CA10: variants seen among roughly 807,000 people sequenced by gnomAD.
CA10 encodes carbonic anhydrase 10 (inactive), also known as carbonic anhydrase-related protein 10.
In CA10, 14 loss-of-function variants were observed where a neutral mutation model predicts 44.2. The observed-to-expected ratio is 0.32, with a 90% CI of 0.21 to 0.50. The LOEUF (loss-of-function observed/expected upper bound fraction) is 0.50. Among genes scored for constraint, CA10 ranks in the 20% least tolerant of loss-of-function variants. The pLI is 0.99. For missense variants in CA10, 350 were observed against 409.7 expected (o/e 0.85, Z 1.26); for synonymous variants, 159 against 141.6 (o/e 1.12, Z -0.87).
intron 1 of CA10, among the ~76,000 whole-genome samples, chr17:52,132,625 A>G (rs1010539636): frequency 1.3e-5 from 2 of 152,244 alleles, no homozygotes; most frequent in African/African-American, 4.8e-5. Flanking sequence ...GTGAACATGC[A>G]GAATTCAGCA....
chr17:51,773,861 C>A (rs1905705305), intron 3 of CA10, among the ~76,000 whole-genome samples: 1 of 152,140 alleles, frequency 6.6e-6, no homozygotes, highest in Admixed American at 6.5e-5. Context: ...CAACACAAAG[C>A]AAATCAAGTT....
At chr17:51,867,525 A>G (rs1979604081) in intron 3 of CA10, among the ~76,000 whole-genome samples, 1 of 152,220 alleles carries the variant, frequency 6.6e-6, no homozygotes, top group African/African-American at 2.4e-5. Flanking sequence ...CACAGTGTTT[A>G]TTCTCTAGGT....
chr17:52,008,746 C>G (rs9910938), intron 2 of CA10, among the ~76,000 whole-genome samples: 7,169 of 151,834 alleles, frequency 0.047, 438 homozygotes, highest in African/African-American at 0.15. Flanking sequence ...AAAAATGGAA[C>G]TGAAACATGA....
chr17:51,879,212 T>C lies in CA10; in HGVS notation c.279+51778A>G, dbSNP rs553121607. Among the ~76,000 whole-genome samples, 7 of 152,174 alleles carry C rather than the reference T, an allele frequency of 4.6e-5. No individual in the cohort carries two copies. The South Asian group carries it at 1.5e-3, about 32-fold the overall frequency. On this transcript the variant is annotated intron_variant, in intron 3 of 8. Transcript: ENST00000451037. ...CTACTGTCAGATATTTCAGGTGGTT[T>C]CTAATTATTGTCCACTGAACATGGT...
At chr17:52,082,609 C>T (rs1988012330) in intron 1 of CA10, among the ~76,000 whole-genome samples, 1 of 152,116 alleles carries the variant, frequency 6.6e-6, no homozygotes, top group African/African-American at 2.4e-5. Flanking sequence ...AAATCACAGT[C>T]AAGGGACAGA....
intron 4 of CA10, among the ~76,000 whole-genome samples, chr17:51,660,654 A>G (rs1450222897): frequency 6.6e-6 from 1 of 152,216 alleles, no homozygotes; most frequent in East Asian, 1.9e-4. Context: ...CTCCATTAGC[A>G]GAAGCCCTTT....
At chr17:52,112,423 CTTTTAGGATA>C (rs1567737173) in intron 1 of CA10, among the ~76,000 whole-genome samples, 1 of 152,166 alleles carries the variant, frequency 6.6e-6, no homozygotes, top group Non-Finnish European at 1.5e-5. Context: ...GCCTATGCTT[CTTTTAGGATA>C]ACAACAGTGG....
intron 4 of CA10, among the ~76,000 whole-genome samples, chr17:51,732,180 C>T (rs1354954713): frequency 6.6e-6 from 1 of 152,170 alleles, no homozygotes; most frequent in Non-Finnish European, 1.5e-5. Context: ...GTGATTTTTA[C>T]ATTGACTGGC....
intron 3 of CA10, among the ~76,000 whole-genome samples, chr17:51,794,274 G>A (rs1906628382): frequency 6.6e-6 from 1 of 152,154 alleles, no homozygotes; most frequent in South Asian, 2.1e-4. Flanking sequence ...ATGCTCCCAT[G>A]TATAGACAGG....
chr17:51,685,927 T>A (rs1288401799), intron 4 of CA10, among the ~76,000 whole-genome samples: 1 of 152,226 alleles, frequency 6.6e-6, no homozygotes, highest in Admixed American at 6.5e-5. Context: ...CTGCTTAAGC[T>A]CCTTGCCAGC....
chr17:51,798,295 C>G (rs1906794426), intron 3 of CA10, among the ~76,000 whole-genome samples: 1 of 152,212 alleles, frequency 6.6e-6, no homozygotes, highest in South Asian at 2.1e-4. Flanking sequence ...TAGGAAGACC[C>G]TAAAGCTTTA....
intron 3 of CA10, chr17:51,761,913 A>G (rs1905226199): frequency 6.6e-6 from 1 of 152,216 alleles, no homozygotes; most frequent in Non-Finnish European, 1.5e-5. Context: ...AGGTGTGACC[A>G]TAGAAAAAGA....
In CA10 at chr17:51,809,795, T is replaced by A. The variant is rs148737330; in HGVS notation, c.280-61977A>T. Among the ~76,000 whole-genome samples, 9 of 152,298 alleles carry A rather than the reference T, an allele frequency of 5.9e-5. No individual in the cohort carries two copies. In the East Asian group the frequency reaches 1.7e-3, roughly 29 times the overall value. ...TGCTGGGGTGCAGAAGGGAAGGATGTGCTGGGTTGAGGTTGGGGGTGATTT... is the reference window on the plus strand; with the variant it reads ...TGCTGGGGTGCAGAAGGGAAGGATGAGCTGGGTTGAGGTTGGGGGTGATTT... On this transcript the variant is annotated intron_variant, in intron 3 of 8. Coordinates refer to ENST00000451037, the MANE Select transcript of CA10 (RefSeq NM_020178.5).
intron 3 of CA10, among the ~76,000 whole-genome samples, chr17:51,889,086 G>A (rs1980740858): frequency 6.6e-6 from 1 of 152,174 alleles, no homozygotes; most frequent in African/African-American, 2.4e-5. Context: ...GGGCATGGTG[G>A]CTGAATTCTG....
chr17:52,038,561 A>C (rs571903905), intron 2 of CA10, among the ~76,000 whole-genome samples: 1 of 152,152 alleles, frequency 6.6e-6, no homozygotes, highest in Non-Finnish European at 1.5e-5. Context: ...TGATCTAGTA[A>C]ATGGCATCTG....
intron 1 of CA10, among the ~76,000 whole-genome samples, chr17:52,086,225 T>C (rs1988113792): frequency 6.6e-6 from 1 of 152,156 alleles, no homozygotes; most frequent in Admixed American, 6.5e-5. Context: ...CAATGCTAGT[T>C]TACCTGCGAG....
intron 3 of CA10, among the ~76,000 whole-genome samples, chr17:51,898,989 C>G (rs758920209): frequency 4.6e-5 from 7 of 151,422 alleles, no homozygotes; most frequent in Non-Finnish European, 1.0e-4. Context: ...TTTGTTCTTT[C>G]AAAAAAACCT....
chr17:51,880,962 C>T (rs1468505098), intron 3 of CA10, among the ~76,000 whole-genome samples: 3 of 116 alleles, frequency 0.026, no homozygotes, highest in African/African-American at 0.083. Context: ...ATCGGCCGGG[C>T]GCGGGTGGCT....
chr17:51,749,851 G>A (rs777741927), intron 3 of CA10, among the ~76,000 whole-genome samples: 16 of 152,158 alleles, frequency 1.1e-4, no homozygotes, highest in South Asian at 2.1e-4. Flanking sequence ...TAACTACTTC[G>A]CTTCAGATAT....
Sources: gnomAD v4.1 joint callset for allele counts (sites outside exome capture counted in the v4.1 genomes callset) on GRCh38, gnomAD v4.1.1 for gene constraint, MANE v1.5 for transcripts, NCBI Gene and HGNC (gene_info 2026-07-23, HGNC 2026-07-21) for gene names.